NWD2: variants seen among roughly 807,000 people sequenced by gnomAD.
The protein encoded by NWD2 is NACHT and WD repeat domain containing 2.
NWD2 carries 37 observed loss-of-function variants against 132.7 expected under a neutral mutation model. The observed-to-expected ratio is 0.28, with a 90% confidence interval of 0.21 to 0.37. The LOEUF (loss-of-function observed/expected upper bound fraction) is 0.37, where lower values mean the gene tolerates loss of function less well. Ranked by LOEUF, NWD2 falls within the 10% of genes least tolerant of loss-of-function variation. The probability of loss-of-function intolerance (pLI) is 1.00; values close to 1 mark genes in which losing one functional copy is unlikely to be tolerated. For missense variants in NWD2, 1,592 were observed against 2,122.4 expected, an observed-to-expected ratio of 0.75 and a Z score of 4.91; for synonymous variants, 705 against 803.0, an observed-to-expected ratio of 0.88 and a Z score of 2.06.
At position 37,443,988 on chromosome 4, in the gene NWD2, T is replaced by A; in HGVS notation, c.2000T>A (p.Met667Lys). 1.3e-6 allele frequency: 2 copies of A among 1,552,326 alleles called. No individual in the cohort carries two copies. Among genetic ancestry groups the A allele is most frequent in the Non-Finnish European group, 1.7e-6 (2 of 1,147,134 alleles). The change falls in exon 7 of 7, where the codon ATG becomes AAG. Residue 667 changes from methionine to lysine, a missense_variant. Met to Lys is a moderately conservative substitution (Grantham distance 95, BLOSUM62 -1). Coordinates refer to ENST00000309447, the MANE Select transcript of NWD2 (RefSeq NM_001144990.2). This position sits in a 1 kb window ranked among gnomAD's most constrained non-coding sequence, Gnocchi z 4.1. ...LVSRALGYIT[M>K]AKMGLSEMEL... ...TCTAGGGCTCTTGGTTACATCACCATGGCCAAAATGGGTCTGAGTGAAATG... is the reference window on the plus strand; with the variant it reads ...TCTAGGGCTCTTGGTTACATCACCAAGGCCAAAATGGGTCTGAGTGAAATG...
chr4:37,353,494 G>A (rs909593638), intron 2 of NWD2, among the ~76,000 whole-genome samples: 4 of 152,118 alleles, frequency 2.6e-5, no homozygotes, highest in South Asian at 4.1e-4. Flanking sequence ...TCAAACTTAG[G>A]TTTGGTCTTT....
chr4:37,272,993 A>G (rs1560381980), intron 1 of NWD2, among the ~76,000 whole-genome samples: 1 of 151,770 alleles, frequency 6.6e-6, no homozygotes, highest in Non-Finnish European at 1.5e-5. Flanking sequence ...TTGGTTGCTC[A>G]GGTATTTCAG....
intron 1 of NWD2, among the ~76,000 whole-genome samples, chr4:37,287,664 G>A (rs1274100696): frequency 6.6e-6 from 1 of 152,212 alleles, no homozygotes; most frequent in East Asian, 1.9e-4. Flanking sequence ...GCCCCTAGGG[G>A]GAGGGGTGGC....
chr4:37,385,306 A>G (rs962453792), intron 3 of NWD2, among the ~76,000 whole-genome samples: 3 of 152,180 alleles, frequency 2.0e-5, no homozygotes, highest in African/African-American at 7.2e-5. Context: ...ACTGAGAAGC[A>G]TAGGAGTTGG....
chr4:37,270,373 G>T (rs1252213627), intron 1 of NWD2, among the ~76,000 whole-genome samples: 3 of 151,498 alleles, frequency 2.0e-5, no homozygotes, highest in Non-Finnish European at 4.4e-5. Flanking sequence ...AAGTGGTGAG[G>T]CTATTCTCTA....
chr4:37,365,196 A>T (rs1720072324), intron 3 of NWD2, among the ~76,000 whole-genome samples: 1 of 152,210 alleles, frequency 6.6e-6, no homozygotes, highest in South Asian at 2.1e-4. Flanking sequence ...AGTATTTTTA[A>T]AATCACTTAG....
intron 2 of NWD2, among the ~76,000 whole-genome samples, chr4:37,330,579 C>T (rs1359278771): frequency 1.3e-5 from 2 of 152,142 alleles, no homozygotes; most frequent in Non-Finnish European, 2.9e-5. Flanking sequence ...CTGGTCTAAC[C>T]CTCATTGCTT....
At chr4:37,287,617 AG>A (rs779074190) in intron 1 of NWD2, among the ~76,000 whole-genome samples, 20 of 152,196 alleles carry the variant, frequency 1.3e-4, no homozygotes, top group East Asian at 9.6e-4. Flanking sequence ...CTCTAGCCAG[AG>A]ACTCAGGGAC....
rs1717209483 is a variant in NWD2 at position 37,245,192 on chromosome 4, G to T, written c.125G>T (p.Arg42Leu). The T allele has an allele frequency of 1.3e-6, 2 of 1,542,932 alleles. No individual in the cohort carries two copies. The highest frequency in any genetic ancestry group is 1.2e-5 in the South Asian group (1 of 83,862). Residue 42 changes from arginine (R) to leucine (L), a missense_variant, in exon 1 of 7, where the codon CGG becomes CTG. Transcript: ENST00000309447. ...CTCGTGCCCGCCGGCCGCAGCGTCCGGGTCTTCATCAGCGCCAACCCTGAA... is the reference window on the plus strand; with the variant it reads ...CTCGTGCCCGCCGGCCGCAGCGTCCTGGTCTTCATCAGCGCCAACCCTGAA... ...SHLVPAGRSVRVFISANPEDT... is the reference protein window; with the variant it reads ...SHLVPAGRSVLVFISANPEDT...
In NWD2 at chr4:37,444,103, C is replaced by T. The variant is rs1269540015; in HGVS notation, c.2115C>T (p.Tyr705=). ...TRPSNPLRVP[Y]LYIARLKEGL... is the part of the protein sequence containing the mutation. ...CCAGCAATCCCCTGAGAGTACCTTA[C>T]TTGTACATTGCAAGGCTCAAGGAGG... Residue 705 remains tyrosine (Y), a synonymous_variant, in exon 7 of 7, where the codon TAC becomes TAT. Coordinates refer to ENST00000309447, the MANE Select transcript of NWD2 (RefSeq NM_001144990.2). This position sits in a 1 kb window ranked among gnomAD's most constrained non-coding sequence, Gnocchi z 4.8. 1.3e-6 allele frequency: 2 copies of T among 1,551,576 alleles called. No individual in the cohort carries two copies. The highest frequency in any genetic ancestry group is 2.0e-5 in the Admixed American group (1 of 50,976).
At chr4:37,253,273 A>G (rs185056314) in intron 1 of NWD2, among the ~76,000 whole-genome samples, 4 of 152,342 alleles carry the variant, frequency 2.6e-5, no homozygotes, top group Admixed American at 2.0e-4. Context: ...TCAAAATATC[A>G]CCATTTTTCC....
intron 1 of NWD2, among the ~76,000 whole-genome samples, chr4:37,274,794 C>T (rs1338988073): frequency 1.3e-5 from 2 of 151,914 alleles, no homozygotes; most frequent in Non-Finnish European, 2.9e-5. Context: ...AATCAATAAA[C>T]GTAATCCAAC....
chr4:37,298,741 GC>G (rs1718551596), intron 1 of NWD2, among the ~76,000 whole-genome samples: 1 of 152,112 alleles, frequency 6.6e-6, no homozygotes, highest in Non-Finnish European at 1.5e-5. Flanking sequence ...AGCCTATATA[GC>G]CTTAAACTAT....
chr4:37,392,255 C>T (rs150321366), intron 3 of NWD2, among the ~76,000 whole-genome samples: 29 of 152,162 alleles, frequency 1.9e-4, no homozygotes, highest in African/African-American at 6.7e-4. Context: ...CTCTTAAATC[C>T]GTACACCTGA....
chr4:37,353,857 A>G lies in NWD2; in HGVS notation c.241-2509A>G, dbSNP rs575638611. Among the ~76,000 whole-genome samples, 20 of 152,062 alleles carry G rather than the reference A, an allele frequency of 1.3e-4. No homozygotes were observed. The East Asian group carries it at 3.9e-3, about 30-fold the overall frequency. The stretch of plus-strand genomic sequence containing the variant: ...GAAGCCTACTTCTGTCAATTCATCA[A>G]ACTCATTCTCCGCCCAGTTTTGTTC... On this transcript the variant is annotated intron_variant, in intron 2 of 6. Coordinates refer to ENST00000309447, the MANE Select transcript of NWD2 (RefSeq NM_001144990.2).
chr4:37,302,196 G>C (rs181521910), intron 1 of NWD2, among the ~76,000 whole-genome samples: 1 of 151,860 alleles, frequency 6.6e-6, no homozygotes, highest in African/African-American at 2.4e-5. Flanking sequence ...CCACATGTGA[G>C]TGTGAACATG....
chr4:37,409,015 A>G (rs933869866), intron 3 of NWD2, among the ~76,000 whole-genome samples: 1 of 152,184 alleles, frequency 6.6e-6, no homozygotes, highest in Non-Finnish European at 1.5e-5. Context: ...CACCAACATC[A>G]AAGACCAAAG....
In NWD2 at chr4:37,244,877, G is replaced by A. The variant is rs1027354708; in HGVS notation, c.-191G>A. 5 of 657,054 alleles carry A rather than the reference G, an allele frequency of 7.6e-6. No homozygotes were observed. The highest frequency in any genetic ancestry group is 1.2e-5 in the Non-Finnish European group (5 of 405,604). The allele number at this position is 657,054 out of a possible 1,614,324, so 40.7% of individuals were successfully genotyped here. ...CGCCGCGACAGGAGCCCGAGGGTCC[G>A]TATGGCTTCTCCTCGCCGGCGGGTG... On this transcript the variant is annotated 5_prime_UTR_variant, in exon 1 of 7. Transcript: ENST00000309447. This position sits in a 1 kb window ranked among gnomAD's most constrained non-coding sequence, Gnocchi z 5.5.
intron 1 of NWD2, among the ~76,000 whole-genome samples, chr4:37,303,275 T>C (rs1404398424): frequency 6.6e-6 from 1 of 152,194 alleles, no homozygotes; most frequent in Non-Finnish European, 1.5e-5. Flanking sequence ...CATGGATTTA[T>C]TTCTGGGAGC....
Sources: gnomAD v4.1 joint callset for allele counts (sites outside exome capture counted in the v4.1 genomes callset) on GRCh38, gnomAD v4.1.1 for gene constraint, Gnocchi (gnomAD v3.1) non-coding constraint, MANE v1.5 for transcripts, NCBI Gene and HGNC (gene_info 2026-07-23, HGNC 2026-07-21) for gene names.